The following DLG2 variants were observed in gnomAD, a reference collection of about 807,000 sequenced individuals.
DLG2 encodes disks large homolog 2.
Under a neutral mutation model 132.5 loss-of-function variants are expected in DLG2, and 45 were observed. That is an observed-to-expected ratio of 0.34 (90% CI 0.27 to 0.44). DLG2 has a LOEUF of 0.44. DLG2 is among the 20% of genes least tolerant of loss of function. The probability of loss-of-function intolerance (pLI) is 1.00; values close to 1 mark genes in which losing one functional copy is unlikely to be tolerated. For missense variants in DLG2, 1,045 were observed against 1,196.9 expected, an observed-to-expected ratio of 0.87 and a Z score of 1.87; for synonymous variants, 424 against 419.6, an observed-to-expected ratio of 1.01 and a Z score of -0.13.
chr11:84,473,816 A>G (rs2099114707), intron 7 of DLG2, among the ~76,000 whole-genome samples: 1 of 152,120 alleles, frequency 6.6e-6, no homozygotes, highest in East Asian at 1.9e-4. Flanking sequence ...AATTAACATA[A>G]GTTTTTAAAT....
At chr11:84,403,606 A>C (rs1272019967) in intron 7 of DLG2, among the ~76,000 whole-genome samples, 3 of 152,326 alleles carry the variant, frequency 2.0e-5, no homozygotes, top group Non-Finnish European at 4.4e-5. Flanking sequence ...AGCTATAAGC[A>C]TGCACTTGTG....
At chr11:84,335,373 A>T (rs1223351616) in intron 7 of DLG2, among the ~76,000 whole-genome samples, 1 of 152,096 alleles carries the variant, frequency 6.6e-6, no homozygotes, top group Admixed American at 6.5e-5. Flanking sequence ...GTGCTGGAGG[A>T]TAATCTTAAA....
intron 6 of DLG2, among the ~76,000 whole-genome samples, chr11:84,726,879 C>T (rs2062537289): frequency 6.6e-6 from 1 of 152,088 alleles, no homozygotes; most frequent in Non-Finnish European, 1.5e-5. Context: ...TTTCATATGT[C>T]TGTTGGCTGC....
intron 6 of DLG2, among the ~76,000 whole-genome samples, chr11:84,907,940 G>A (rs2091698533): frequency 6.6e-6 from 1 of 152,124 alleles, no homozygotes; most frequent in Admixed American, 6.5e-5. Flanking sequence ...AGCATTCAAT[G>A]GTTGTGTCAA....
At chr11:84,660,795 C>A (rs1032286728) in intron 6 of DLG2, among the ~76,000 whole-genome samples, 7 of 152,176 alleles carry the variant, frequency 4.6e-5, no homozygotes, top group Non-Finnish European at 2.9e-5. Flanking sequence ...AAATGCAGAT[C>A]TCACTCCTTC....
chr11:85,032,295 G>A (rs958086257), intron 6 of DLG2, among the ~76,000 whole-genome samples: 5 of 152,006 alleles, frequency 3.3e-5, no homozygotes, highest in Non-Finnish European at 7.4e-5. Flanking sequence ...AACATTGATT[G>A]CCTTCCATGT....
In DLG2 at chr11:83,786,894, A is replaced by C. The variant is rs543796176; in HGVS notation, c.1723-102T>G. Reference sequence around the variant, plus strand: ...ACCAGGCTGTCTAACATTATATCACATGCCTCAGAAACCCCTCATATCCTA... The same window carrying C: ...ACCAGGCTGTCTAACATTATATCACCTGCCTCAGAAACCCCTCATATCCTA... On this transcript the variant is annotated intron_variant, in intron 17 of 27. Transcript: ENST00000376104. 101 of 852,702 alleles carry C rather than the reference A, an allele frequency of 1.2e-4. 1 individual carries two copies. The East Asian group carries it at 2.4e-3, about 21-fold the overall frequency. 52.8% of individuals were successfully genotyped at this position (852,702 alleles called of 1,614,324 possible). A position where few individuals can be genotyped will look rare whatever the true frequency, so the allele number is the denominator to read the frequency against.
At chr11:85,315,979 G>C (rs1229460159) in intron 3 of DLG2, among the ~76,000 whole-genome samples, 3 of 151,990 alleles carry the variant, frequency 2.0e-5, no homozygotes, top group East Asian at 1.9e-4. Context: ...CCAATGCCCA[G>C]CTGTGTCCCT....
intron 6 of DLG2, among the ~76,000 whole-genome samples, chr11:84,764,292 C>T (rs1357676643): frequency 6.6e-6 from 1 of 152,168 alleles, no homozygotes; most frequent in African/African-American, 2.4e-5. Context: ...TACTCTCTTT[C>T]TGTAGCTTAC....
chr11:84,812,145 GC>G (rs774684343), intron 6 of DLG2, among the ~76,000 whole-genome samples: 2 of 152,126 alleles, frequency 1.3e-5, no homozygotes. Flanking sequence ...TTATCCAGCA[GC>G]ACCTCAAATA....
At chr11:84,923,421 T>TA (rs566663763) in intron 6 of DLG2, 27,078 of 720,088 alleles carry the variant, frequency 0.038, 39 homozygotes, top group Non-Finnish European at 0.04. Flanking sequence ...ATCACTGGAT[T>TA]AAAAAAAAAA....
At chr11:85,566,013 T>C (rs1176526903) in intron 3 of DLG2, among the ~76,000 whole-genome samples, 1 of 152,068 alleles carries the variant, frequency 6.6e-6, no homozygotes, top group Non-Finnish European at 1.5e-5. Context: ...CCAACAATTA[T>C]TATTTTCCAT....
At chr11:84,399,851 A>C (rs1052978711) in intron 7 of DLG2, among the ~76,000 whole-genome samples, 1 of 152,340 alleles carries the variant, frequency 6.6e-6, no homozygotes, top group Admixed American at 6.5e-5. Context: ...CTGATCGATA[A>C]ACCCAAAACC....
chr11:84,104,422 G>C (rs2092760716), intron 9 of DLG2, among the ~76,000 whole-genome samples: 1 of 151,974 alleles, frequency 6.6e-6, no homozygotes, highest in Non-Finnish European at 1.5e-5. Flanking sequence ...AAATATAAGA[G>C]GGAAGAAGGA....
At chr11:83,470,103 T>C (rs2091826265) in intron 24 of DLG2, among the ~76,000 whole-genome samples, 1 of 152,050 alleles carries the variant, frequency 6.6e-6, no homozygotes, top group South Asian at 2.1e-4. Context: ...AAACTTCAGA[T>C]ACAGATTTAT....
rs780891728 is a variant in DLG2 at position 84,714,553 on chromosome 11, C to CTCTCTTTCTCTTTCTCTT, written c.358-179840_358-179823dup. On this transcript the variant is annotated intron_variant, in intron 6 of 27. Coordinates refer to ENST00000376104, the MANE Select transcript of DLG2 (RefSeq NM_001142699.3). ...TCTTTCTCTTTCTCTTTCTCTTTCT[C>CTCTCTTTCTCTTTCTCTT]TCTCTTTCTCTTTCTCTTTCTCTTT... is the stretch of plus-strand genomic sequence containing the variant. Among the ~76,000 whole-genome samples, 1,363 of 109,172 alleles carry CTCTCTTTCTCTTTCTCTT rather than the reference C, an allele frequency of 0.012. 78 individuals are homozygous for CTCTCTTTCTCTTTCTCTT. In the East Asian group the frequency reaches 0.14, roughly 11 times the overall value. The allele number at this position is 109,172 out of a possible 152,430, so 71.6% of individuals were successfully genotyped here.
chr11:85,042,387 C>T (rs765356768), intron 6 of DLG2, among the ~76,000 whole-genome samples: 10 of 151,964 alleles, frequency 6.6e-5, no homozygotes, highest in Non-Finnish European at 1.3e-4. Context: ...TTACTTGGTA[C>T]TAGGCACTAC....
At chr11:85,610,874 C>G (rs1446254818) in intron 2 of DLG2, among the ~76,000 whole-genome samples, 1 of 152,210 alleles carries the variant, frequency 6.6e-6, no homozygotes, top group African/African-American at 2.4e-5. Flanking sequence ...TCCTTGGAAT[C>G]ACGGGCTTTT....
At chr11:83,795,558 C>G (rs1234920184) in intron 17 of DLG2, among the ~76,000 whole-genome samples, 1 of 151,826 alleles carries the variant, frequency 6.6e-6, no homozygotes, top group African/African-American at 2.4e-5. Context: ...AATTTGAGCA[C>G]TTTTAGTTGA....
Sources: allele counts gnomAD v4.1 joint callset (sites outside exome capture counted in the v4.1 genomes callset), GRCh38; gene constraint gnomAD v4.1.1; transcripts MANE v1.5; gene names NCBI Gene and HGNC (gene_info 2026-07-23, HGNC 2026-07-21).